The following GPBP1 variants were observed in gnomAD, a reference collection of about 807,000 sequenced individuals.
GPBP1 encodes GC-rich promoter binding protein 1.
GPBP1 carries 13 observed loss-of-function variants against 56.5 expected under a neutral mutation model. The ratio of observed to expected loss-of-function variants is 0.23; its 90% CI spans 0.15 to 0.37. The LOEUF (loss-of-function observed/expected upper bound fraction) is 0.37, where lower values mean the gene tolerates loss of function less well. Ranked by LOEUF, GPBP1 falls within the 10% of genes least tolerant of loss-of-function variation. The probability of loss-of-function intolerance (pLI) is 1.00; values close to 1 mark genes in which losing one functional copy is unlikely to be tolerated. For synonymous variants in GPBP1, 204 were observed against 188.9 expected, an observed-to-expected ratio of 1.08 and a Z score of -0.66; for missense variants, 477 against 572.3, an observed-to-expected ratio of 0.83 and a Z score of 1.70.
Position 57,175,527 on chromosome 5 carries a change from G to C in GPBP1, c.-931G>C, listed in dbSNP as rs1753759357. 2.5e-6 allele frequency: 1 copy of C among 398,334 alleles called. No individual in the cohort carries two copies. Among genetic ancestry groups the C allele is most frequent in the Non-Finnish European group, 4.4e-6 (1 of 226,026 alleles). 24.7% of individuals were successfully genotyped at this position (398,334 alleles called of 1,614,324 possible). A position where few individuals can be genotyped will look rare whatever the true frequency, so the allele number is the denominator to read the frequency against. On this transcript the variant is annotated 5_prime_UTR_variant, in exon 2 of 12. Coordinates refer to ENST00000506184, the MANE Select transcript of GPBP1 (RefSeq NM_022913.4). ...CTGGATATTTTAAGTGGCCATTTTG[G>C]ATTTACAGTGTTTTTGGATAATTTT...
Position 57,175,554 on chromosome 5 carries a change from C to T in GPBP1, c.-904C>T, listed in dbSNP as rs990213129. 7.8e-5 allele frequency: 31 copies of T among 398,188 alleles called. No individual in the cohort carries two copies. The highest frequency in any genetic ancestry group is 8.9e-6 in the Non-Finnish European group (2 of 225,970). 24.7% of individuals were successfully genotyped at this position (398,188 alleles called of 1,614,324 possible). Reference sequence around the variant, plus strand: ...TTTACAGTGTTTTTGGATAATTTTGCCCCAGAAGTTTATTAAAATTGGCAA... The same window carrying T: ...TTTACAGTGTTTTTGGATAATTTTGTCCCAGAAGTTTATTAAAATTGGCAA... On this transcript the variant is annotated 5_prime_UTR_variant, in exon 2 of 12. Coordinates refer to ENST00000506184, the MANE Select transcript of GPBP1 (RefSeq NM_022913.4).
At chr5:57,194,935 C>T (rs1032058464) in intron 2 of GPBP1, among the ~76,000 whole-genome samples, 3 of 152,104 alleles carry the variant, frequency 2.0e-5, no homozygotes, top group African/African-American at 7.2e-5. Flanking sequence ...CATATCTTGG[C>T]TGTTGTGAAT....
chr5:57,196,244 C>T (rs1254784450), intron 2 of GPBP1, among the ~76,000 whole-genome samples: 1 of 152,192 alleles, frequency 6.6e-6, no homozygotes, highest in East Asian at 1.9e-4. Flanking sequence ...TCAAGTGATC[C>T]TCCTGTCTTA....
chr5:57,231,004 T>A, intron 4 of GPBP1, 35 bp downstream of exon 4: 1 of 1,585,210 alleles, frequency 6.3e-7, no homozygotes, highest in Non-Finnish European at 8.6e-7. Context: ...TTATGGCTAA[T>A]TTTCTTTATG....
chr5:57,181,121 A>G (rs1055358592), intron 2 of GPBP1, among the ~76,000 whole-genome samples: 1 of 152,198 alleles, frequency 6.6e-6, no homozygotes, highest in Admixed American at 6.6e-5. Context: ...AACACTTGAG[A>G]TTAGGAGTTC....
chr5:57,254,498 C>G (rs1741551561), intron 10 of GPBP1, among the ~76,000 whole-genome samples: 1 of 152,002 alleles, frequency 6.6e-6, no homozygotes, highest in African/African-American at 2.4e-5. Flanking sequence ...AATTCAAGAC[C>G]AGCCTGGCCA....
chr5:57,188,677 A>G (rs1346827123), intron 2 of GPBP1, among the ~76,000 whole-genome samples: 2 of 152,152 alleles, frequency 1.3e-5, no homozygotes, highest in African/African-American at 4.8e-5. Context: ...CGTCAGGCAG[A>G]GGTTGTAGTG....
intron 2 of GPBP1, among the ~76,000 whole-genome samples, chr5:57,187,947 T>G (rs861257): frequency 2.0e-5 from 3 of 151,842 alleles, no homozygotes; most frequent in Non-Finnish European, 4.4e-5. Context: ...ATATATGACA[T>G]TTAAAATTAT....
At chr5:57,189,114 C>T (rs1754412872) in intron 2 of GPBP1, among the ~76,000 whole-genome samples, 1 of 152,024 alleles carries the variant, frequency 6.6e-6, no homozygotes, top group Non-Finnish European at 1.5e-5. Context: ...GCATGCACCA[C>T]CATACCCGGC....
intron 3 of GPBP1, among the ~76,000 whole-genome samples, chr5:57,229,927 C>T (rs1580048980): frequency 1.4e-5 from 2 of 144,176 alleles, no homozygotes; most frequent in Admixed American, 7.0e-5. Flanking sequence ...CTTCCCATCC[C>T]GTTGCATCGC....
rs545606429 is a variant in GPBP1, at chr5:57,205,920, C to CA, written c.-57-8153dup. Among the ~76,000 whole-genome samples, 296 of 152,232 alleles carry CA rather than the reference C, an allele frequency of 1.9e-3. 1 individual carries two copies. Among genetic ancestry groups the CA allele is most frequent in the Non-Finnish European group, 3.5e-3 (238 of 67,996 alleles). ...CTGGGAATACAGGTGTGCCTCACCACACCTGGCTAAGTTTTAAACATTTTT... is the reference window on the plus strand; with the variant it reads ...CTGGGAATACAGGTGTGCCTCACCACAACCTGGCTAAGTTTTAAACATTTTT... On this transcript the variant is annotated intron_variant, in intron 2 of 11. Coordinates refer to ENST00000506184, the MANE Select transcript of GPBP1 (RefSeq NM_022913.4).
intron 6 of GPBP1, among the ~76,000 whole-genome samples, chr5:57,241,884 G>A (rs959162889): frequency 2.6e-5 from 4 of 152,140 alleles, no homozygotes; most frequent in Non-Finnish European, 5.9e-5. Flanking sequence ...GACTCTAAGA[G>A]CTTAAATACT....
intron 9 of GPBP1, among the ~76,000 whole-genome samples, chr5:57,250,373 T>C (rs922764036): frequency 6.6e-6 from 1 of 152,036 alleles, no homozygotes; most frequent in African/African-American, 2.4e-5. Context: ...TAAAAAGCAT[T>C]CTTGTTTATA....
chr5:57,210,296 T>C lies in GPBP1; in HGVS notation c.-57-3778T>C, dbSNP rs187749011. Reference sequence around the variant, plus strand: ...CGGGGAAATTTTTATTCTTCATGGATGTCGTGAATAAATTGTAAATTGGGT... The same window carrying C: ...CGGGGAAATTTTTATTCTTCATGGACGTCGTGAATAAATTGTAAATTGGGT... On this transcript the variant is annotated intron_variant, in intron 2 of 11. Coordinates refer to ENST00000506184, the MANE Select transcript of GPBP1 (RefSeq NM_022913.4). Among the ~76,000 whole-genome samples, 5 of 152,324 alleles carry C rather than the reference T, an allele frequency of 3.3e-5. No homozygotes were observed. The East Asian group carries it at 7.7e-4, about 23-fold the overall frequency.
chr5:57,234,413 G>C (rs1756583428), intron 5 of GPBP1, among the ~76,000 whole-genome samples: 1 of 152,124 alleles, frequency 6.6e-6, no homozygotes, highest in Non-Finnish European at 1.5e-5. Flanking sequence ...CTTTGGCTTT[G>C]ATAGTGCGTG....
intron 10 of GPBP1, among the ~76,000 whole-genome samples, chr5:57,252,244 C>T (rs935105960): frequency 9.9e-5 from 15 of 151,408 alleles, no homozygotes; most frequent in African/African-American, 3.2e-4. Flanking sequence ...CCACCATGCA[C>T]GGCTTCAGTG....
Position 57,231,271 on chromosome 5 carries a change from G to A in GPBP1, c.361G>A (p.Gly121Arg). Reference protein sequence around the residue: ...HENNIPDNETGRKEDKRERKQ... With the variant: ...HENNIPDNETRRKEDKRERKQ... Reference sequence around the variant, plus strand: ...AAACAACATACCTGACAATGAAACCGGGAGGAAAGAAGACAAGAGAGAACG... The same window carrying A: ...AAACAACATACCTGACAATGAAACCAGGAGGAAAGAAGACAAGAGAGAACG... Residue 121 changes from glycine (G) to arginine (R), a missense_variant, in exon 5 of 12, where the codon GGG becomes AGG. Physicochemically the swap from Gly to Arg is moderately radical, Grantham distance 125. This residue lies in a region of GPBP1 where 414 missense variants were observed against 458.2 expected (regional missense o/e 0.90). Coordinates refer to ENST00000506184, the MANE Select transcript of GPBP1 (RefSeq NM_022913.4). 3.1e-6 allele frequency: 5 copies of A among 1,613,938 alleles called. No homozygotes were observed. The highest frequency in any genetic ancestry group is 2.2e-5 in the East Asian group (1 of 44,870).
At position 57,221,371 on chromosome 5, in the gene GPBP1, A is replaced by T. The variant is rs971606894; in HGVS notation, c.63+7178A>T. The T allele has an allele frequency of 5.9e-6, 9 of 1,530,594 alleles. No individual in the cohort carries two copies. The African/African-American group carries it at 9.7e-5, about 16-fold the overall frequency. 94.8% of individuals were successfully genotyped at this position (1,530,594 alleles called of 1,614,324 possible). A position where few individuals can be genotyped will look rare whatever the true frequency, so the allele number is the denominator to read the frequency against. On this transcript the variant is annotated intron_variant, in intron 3 of 11. Coordinates refer to ENST00000506184, the MANE Select transcript of GPBP1 (RefSeq NM_022913.4). ...ATTGTGACTGATCTTATCATTTGTT[A>T]ATAGGTCCTGACCAGCAGTTTGAAA...
intron 2 of GPBP1, among the ~76,000 whole-genome samples, chr5:57,189,398 C>T (rs1754424225): frequency 6.6e-6 from 1 of 152,156 alleles, no homozygotes; most frequent in Non-Finnish European, 1.5e-5. Context: ...GGATTATAGG[C>T]GTGAGCCACC....
Sources: gnomAD v4.1 joint callset for allele counts (sites outside exome capture counted in the v4.1 genomes callset) on GRCh38, gnomAD v4.1.1 for gene constraint, gnomAD v4.1.1 regional missense constraint, MANE v1.5 for transcripts, NCBI Gene and HGNC (gene_info 2026-07-23, HGNC 2026-07-21) for gene names.